The following PDE1C variants were observed in gnomAD, a reference collection of about 807,000 sequenced individuals.
The protein encoded by PDE1C is dual specificity calcium/calmodulin-dependent 3',5'-cyclic nucleotide phosphodiesterase 1C.
Under a neutral mutation model 93.1 loss-of-function variants are expected in PDE1C, and 62 were observed. The observed-to-expected ratio is 0.67, with a 90% CI of 0.54 to 0.82. The LOEUF is 0.82. Among genes scored for constraint, PDE1C ranks in the 40% least tolerant of loss-of-function variants. The probability of loss-of-function intolerance (pLI) is 0.00; values close to 1 mark genes in which losing one functional copy is unlikely to be tolerated. For synonymous variants in PDE1C, 325 were observed against 310.1 expected (o/e 1.05, Z -0.50); for missense variants, 742 against 884.6 (o/e 0.84, Z 2.04).
chr7:31,819,236 C>T (rs764840612), intron 14 of PDE1C, among the ~76,000 whole-genome samples: 5 of 151,884 alleles, frequency 3.3e-5, no homozygotes, highest in Non-Finnish European at 7.4e-5. Context: ...TGCATGACAC[C>T]CAAAGTGGTA....
Position 31,940,954 on chromosome 7 carries a change from C to T in PDE1C, c.129-60094G>A, listed in dbSNP as rs115376723. ...AACAGACCAAGTGTACACCTTCCAA[C>T]TCACACCTCCACACACAAATAGGAA... On this transcript the variant is annotated intron_variant, in intron 2 of 17. Transcript: ENST00000396191. 3.2e-3 allele frequency among the ~76,000 whole-genome samples: 493 copies of T among 152,100 alleles called. 2 individuals carry two copies. The highest frequency in any genetic ancestry group is 0.011 in the African/African-American group (451 of 41,498).
At chr7:31,766,195 TAACAC>T (rs1279258593) in intron 17 of PDE1C, among the ~76,000 whole-genome samples, 2 of 151,996 alleles carry the variant, frequency 1.3e-5, no homozygotes, top group African/African-American at 4.8e-5. Context: ...CCATCCTGGC[TAACAC>T]AGTGAAACCC....
upstream of PDE1C, chr7:32,071,418 C>G: frequency 1.0e-6 from 1 of 985,490 alleles, no homozygotes; most frequent in African/African-American, 1.7e-5. Flanking sequence ...CACTCAAAAA[C>G]TCTTGATGTT....
chr7:31,861,371 CT>C (rs1794676610), intron 7 of PDE1C, among the ~76,000 whole-genome samples: 1 of 152,116 alleles, frequency 6.6e-6, no homozygotes, highest in African/African-American at 2.4e-5. Flanking sequence ...ATAATCTCAT[CT>C]AGTTCCATGT....
chr7:31,701,988 A>G, the PDE1C span, among the ~76,000 whole-genome samples: 1 of 152,212 alleles, frequency 6.6e-6, no homozygotes, highest in Non-Finnish European at 1.5e-5. Flanking sequence ...AAGAACCTGC[A>G]AGATCTCTGA....
intron 1 of PDE1C, among the ~76,000 whole-genome samples, chr7:32,209,748 G>C (rs781531266): frequency 6.6e-6 from 1 of 152,168 alleles, no homozygotes; most frequent in Non-Finnish European, 1.5e-5. Context: ...CAATCATTTT[G>C]ATTAGAATAT....
chr7:32,349,411 G>A (rs1295173971), intron 1 of PDE1C, among the ~76,000 whole-genome samples: 2 of 152,192 alleles, frequency 1.3e-5, no homozygotes, highest in African/African-American at 2.4e-5. Context: ...AGAGTGTGGA[G>A]GGAAATGGGT....
intron 16 of PDE1C, among the ~76,000 whole-genome samples, chr7:31,799,698 C>T (rs1785753178): frequency 6.6e-6 from 1 of 151,664 alleles, no homozygotes; most frequent in Admixed American, 6.6e-5. Context: ...AGGCAAATTC[C>T]TATAATGTAC....
chr7:31,949,958 G>T (rs750700593), intron 2 of PDE1C, among the ~76,000 whole-genome samples: 3 of 152,022 alleles, frequency 2.0e-5, no homozygotes, highest in Admixed American at 6.6e-5. Context: ...CTTCTTCAAA[G>T]ACCTGCTACA....
At chr7:32,062,414 A>C (rs1350674308) in intron 1 of PDE1C, among the ~76,000 whole-genome samples, 1 of 152,168 alleles carries the variant, frequency 6.6e-6, no homozygotes, top group Non-Finnish European at 1.5e-5. Flanking sequence ...CGCTGCAGCC[A>C]CTTGGCCTTC....
intron 15 of PDE1C, among the ~76,000 whole-genome samples, chr7:31,813,968 T>C (rs1787881018): frequency 6.6e-6 from 1 of 152,092 alleles, no homozygotes; most frequent in South Asian, 2.1e-4. Flanking sequence ...CCATCCAGGT[T>C]GCTGCAAATG....
chr7:31,965,231 A>G (rs138115624), intron 2 of PDE1C, among the ~76,000 whole-genome samples: 6,072 of 152,272 alleles, frequency 0.04, 132 homozygotes, highest in South Asian at 0.091. Flanking sequence ...ATGAATGGCT[A>G]ACTAGAATAA....
chr7:31,898,364 T>C (rs1316149825), intron 2 of PDE1C, among the ~76,000 whole-genome samples: 1 of 152,152 alleles, frequency 6.6e-6, no homozygotes, highest in East Asian at 1.9e-4. Context: ...CATGTATCCA[T>C]AGAGTTTAAA....
chr7:31,648,663 C>G, the PDE1C span, among the ~76,000 whole-genome samples: 1 of 152,154 alleles, frequency 6.6e-6, no homozygotes, highest in Non-Finnish European at 1.5e-5. Flanking sequence ...CCTATTTGAG[C>G]ACTACACTTC....
intron 2 of PDE1C, among the ~76,000 whole-genome samples, chr7:32,000,964 G>T (rs575512057): frequency 6.6e-6 from 1 of 151,962 alleles, no homozygotes; most frequent in East Asian, 1.9e-4. Flanking sequence ...ATCTCTCCAC[G>T]TTTGTATACA....
At chr7:32,308,222 A>C (rs977468534) in intron 1 of PDE1C, among the ~76,000 whole-genome samples, 4 of 152,240 alleles carry the variant, frequency 2.6e-5, no homozygotes, top group African/African-American at 9.6e-5. Flanking sequence ...TTAGGTAAAC[A>C]AAGCAGCCGG....
At chr7:31,750,108 T>G (rs1485651808), downstream of PDE1C, among the ~76,000 whole-genome samples, 1 of 152,196 alleles carries the variant, frequency 6.6e-6, no homozygotes, top group Non-Finnish European at 1.5e-5. Context: ...GTCTGCTCTC[T>G]GCAGTTGACT....
rs147950998 is a variant in PDE1C, at chr7:32,094,066, G to A, written c.308+75719C>T. Among the ~76,000 whole-genome samples the A allele has an allele frequency of 4.6e-3, 695 of 152,330 alleles. 3 individuals carry two copies. Among genetic ancestry groups the A allele is most frequent in the Non-Finnish European group, 7.7e-3 (526 of 68,038 alleles). On this transcript the variant is annotated intron_variant, in intron 3 of 18. Coordinates refer to the PDE1C transcript ENST00000396193. ...CTCTGCCTATCACTGTCTTACTCTC[G>A]CAAGTGTCCCCCATGGCATAGGTGT...
intron 1 of PDE1C, among the ~76,000 whole-genome samples, chr7:32,388,994 A>C (rs555330259): frequency 6.6e-6 from 1 of 152,332 alleles, no homozygotes; most frequent in Non-Finnish European, 1.5e-5. Flanking sequence ...GAACCAAAAG[A>C]AAATCACAGC....
Sources: allele counts gnomAD v4.1 joint callset (sites outside exome capture counted in the v4.1 genomes callset), GRCh38; gene constraint gnomAD v4.1.1; transcripts MANE v1.5; gene names NCBI Gene and HGNC (gene_info 2026-07-23, HGNC 2026-07-21).